Variants in NAALADL2 observed in about 807,000 individuals in gnomAD.
NAALADL2 encodes inactive N-acetylated-alpha-linked acidic dipeptidase-like protein 2.
A neutral mutation model predicts 87.2 loss-of-function variants in NAALADL2; 76 were observed. The ratio of observed to expected loss-of-function variants is 0.87; its 90% CI spans 0.72 to 1.05. NAALADL2 has a LOEUF of 1.05. Ranked by LOEUF, NAALADL2 falls within the 50% of genes least tolerant of loss-of-function variation. The pLI, the probability that NAALADL2 is intolerant of heterozygous loss-of-function variation, is 0.00. For synonymous variants in NAALADL2, 354 were observed against 331.0 expected, an observed-to-expected ratio of 1.07 and a Z score of -0.75; for missense variants, 1,089 against 945.8, an observed-to-expected ratio of 1.15 and a Z score of -1.99.
At chr3:175,084,418 T>G (rs909126345) in intron 1 of NAALADL2, among the ~76,000 whole-genome samples, 2 of 152,094 alleles carry the variant, frequency 1.3e-5, no homozygotes, top group African/African-American at 4.8e-5. Context: ...CTCTGCTGCT[T>G]CTCCTCGTGG....
At chr3:175,159,239 C>A (rs940825407) in intron 2 of NAALADL2, among the ~76,000 whole-genome samples, 1 of 152,142 alleles carries the variant, frequency 6.6e-6, no homozygotes, top group Non-Finnish European at 1.5e-5. Context: ...GCAAGATTCT[C>A]ACAAAAGTGT....
chr3:174,811,132 G>C (rs528031709), intron 3 of NAALADL2, among the ~76,000 whole-genome samples: 67 of 152,324 alleles, frequency 4.4e-4, no homozygotes, highest in Non-Finnish European at 8.8e-4. Flanking sequence ...ACTGGCTTCA[G>C]GGGCAGAGCC....
chr3:174,584,161 G>A (rs969807040), intron 2 of NAALADL2, among the ~76,000 whole-genome samples: 1 of 152,116 alleles, frequency 6.6e-6, no homozygotes, highest in Non-Finnish European at 1.5e-5. Context: ...AGAATGACTG[G>A]TAAAGGGGTT....
Position 175,036,771 on chromosome 3 carries a change from G to A in NAALADL2, c.44-60019G>A, listed in dbSNP as rs188058430. Among the ~76,000 whole-genome samples, 390 of 144,130 alleles carry A rather than the reference G, an allele frequency of 2.7e-3. 1 individual carries two copies. The Middle Eastern group carries it at 0.038, about 14-fold the overall frequency. 94.6% of individuals were successfully genotyped at this position (144,130 alleles called of 152,430 possible). A position where few individuals can be genotyped will look rare whatever the true frequency, so the allele number is the denominator to read the frequency against. Reference sequence around the variant, plus strand: ...TTTTATTGTTTTTCCTAATGCTCCTGCTGTTGGCCAGTGTCATATTTTTCC... The same window carrying A: ...TTTTATTGTTTTTCCTAATGCTCCTACTGTTGGCCAGTGTCATATTTTTCC... On this transcript the variant is annotated intron_variant, in intron 1 of 13. Coordinates refer to ENST00000454872, the MANE Select transcript of NAALADL2 (RefSeq NM_207015.3).
At chr3:175,798,185 C>A (rs754029853) in intron 13 of NAALADL2, among the ~76,000 whole-genome samples, 2 of 151,892 alleles carry the variant, frequency 1.3e-5, no homozygotes, top group African/African-American at 4.8e-5. Flanking sequence ...TTTTTGCTAG[C>A]CCCGATTTGT....
chr3:175,786,146 T>A (rs1418633800), intron 13 of NAALADL2, among the ~76,000 whole-genome samples: 1 of 151,940 alleles, frequency 6.6e-6, no homozygotes, highest in Non-Finnish European at 1.5e-5. Flanking sequence ...TTTTCCTTCA[T>A]TTCAACTTTG....
chr3:174,836,273 C>G (rs1037750855), intron 3 of NAALADL2, among the ~76,000 whole-genome samples: 9 of 151,954 alleles, frequency 5.9e-5, no homozygotes, highest in Middle Eastern at 3.2e-3. Flanking sequence ...ACATAGGTAC[C>G]TAGATTAGTC....
intron 2 of NAALADL2, among the ~76,000 whole-genome samples, chr3:174,621,477 CT>C (rs1720986395): frequency 6.6e-6 from 1 of 151,942 alleles, no homozygotes; most frequent in Non-Finnish European, 1.5e-5. Context: ...AATATGAAAG[CT>C]CCATTAGGGA....
In NAALADL2 at chr3:175,324,024, CA is replaced by C. The variant is rs1180006033; in HGVS notation, c.940-148del. 4.0e-5 allele frequency: 20 copies of C among 498,762 alleles called. No individual in the cohort carries two copies. The East Asian group carries it at 5.1e-4, about 13-fold the overall frequency. 30.9% of individuals were successfully genotyped at this position (498,762 alleles called of 1,614,324 possible). A position where few individuals can be genotyped will look rare whatever the true frequency, so the allele number is the denominator to read the frequency against. On this transcript the variant is annotated intron_variant, in intron 4 of 13. Coordinates refer to ENST00000454872, the MANE Select transcript of NAALADL2 (RefSeq NM_207015.3). Reference sequence around the variant, plus strand: ...CAGAGCGAGACTCCATCTCAAAAAACAAACAAAAAAAAAAAAAAAGAAAAAG... The same window carrying C: ...CAGAGCGAGACTCCATCTCAAAAAACAACAAAAAAAAAAAAAAAGAAAAAG...
chr3:175,404,263 A>G (rs1383573608), intron 5 of NAALADL2, among the ~76,000 whole-genome samples: 2 of 152,088 alleles, frequency 1.3e-5, no homozygotes, highest in African/African-American at 4.8e-5. Context: ...TCATTGTGCA[A>G]TCCTAGATAA....
intron 2 of NAALADL2, among the ~76,000 whole-genome samples, chr3:174,723,672 C>T (rs1298824861): frequency 7.5e-6 from 1 of 134,134 alleles, no homozygotes; most frequent in Non-Finnish European, 1.5e-5. Context: ...AGGAGAATGG[C>T]GTGAAACTGG....
intron 2 of NAALADL2, among the ~76,000 whole-genome samples, chr3:174,668,487 T>A (rs1224021347): frequency 6.6e-6 from 1 of 152,172 alleles, no homozygotes; most frequent in Admixed American, 6.6e-5. Flanking sequence ...TAGTTACATA[T>A]GTATACATGT....
At chr3:175,309,160 A>C (rs772277520) in intron 4 of NAALADL2, among the ~76,000 whole-genome samples, 4 of 152,302 alleles carry the variant, frequency 2.6e-5, no homozygotes, top group Non-Finnish European at 5.9e-5. Flanking sequence ...CCTGATTGGT[A>C]AGGAAAATGT....
At chr3:174,830,555 C>T (rs1213701924) in intron 3 of NAALADL2, among the ~76,000 whole-genome samples, 1 of 151,442 alleles carries the variant, frequency 6.6e-6, no homozygotes, top group Non-Finnish European at 1.5e-5. Flanking sequence ...GTGATGCCTC[C>T]AGCTTTGTTC....
intron 1 of NAALADL2, among the ~76,000 whole-genome samples, chr3:174,909,865 G>A (rs1343953131): frequency 1.3e-5 from 2 of 151,956 alleles, no homozygotes; most frequent in East Asian, 3.9e-4. Context: ...GGATTCCCAG[G>A]CAAGAAATGC....
At chr3:175,233,627 G>A (rs12488992) in intron 2 of NAALADL2, among the ~76,000 whole-genome samples, 30,992 of 151,940 alleles carry the variant, frequency 0.2, 3,387 homozygotes, top group East Asian at 0.3. Context: ...TTAATGTTTT[G>A]TAGACAGAGG....
At chr3:175,358,616 G>GT (rs1764649329) in intron 5 of NAALADL2, among the ~76,000 whole-genome samples, 1 of 152,084 alleles carries the variant, frequency 6.6e-6, no homozygotes, top group South Asian at 2.1e-4. Flanking sequence ...ATGTTTTAAT[G>GT]TTTTTCCAAA....
intron 11 of NAALADL2, among the ~76,000 whole-genome samples, chr3:175,670,512 A>AATGTAAAATTAATAT (rs1435879271): frequency 0.093 from 285 of 3,058 alleles, 6 homozygotes; most frequent in Admixed American, 0.16. Context: ...ATTTATATTA[A>AATGTAAAATTAATAT]ATTTATATTA....
chr3:174,807,181 C>T (rs568594297), intron 3 of NAALADL2, among the ~76,000 whole-genome samples: 2 of 152,172 alleles, frequency 1.3e-5, no homozygotes, highest in South Asian at 2.1e-4. Flanking sequence ...GAATAACAGT[C>T]TCTTACATTA....
Sources: allele counts gnomAD v4.1 joint callset (sites outside exome capture counted in the v4.1 genomes callset), GRCh38; gene constraint gnomAD v4.1.1; transcripts MANE v1.5; gene names NCBI Gene and HGNC (gene_info 2026-07-23, HGNC 2026-07-21).